Variants in COL25A1 observed in about 807,000 individuals in gnomAD.
The protein encoded by COL25A1 is collagen type XXV alpha 1 chain.
A neutral mutation model predicts 128.4 loss-of-function variants in COL25A1; 103 were observed. That is an observed-to-expected ratio of 0.80 (90% confidence interval 0.68 to 0.94). The LOEUF (loss-of-function observed/expected upper bound fraction) is 0.94. COL25A1 is among the 40% of genes least tolerant of loss of function. The pLI is 0.00. For missense variants in COL25A1, 745 were observed against 840.0 expected (o/e 0.89, Z 1.40); for synonymous variants, 279 against 277.2 (o/e 1.01, Z -0.06).
intron 5 of COL25A1, among the ~76,000 whole-genome samples, chr4:109,018,487 G>A (rs2126059781): frequency 6.6e-6 from 1 of 152,212 alleles, no homozygotes; most frequent in African/African-American, 2.4e-5. Flanking sequence ...GCCTCCCAAA[G>A]TGCTGGGATT....
chr4:109,062,151 G>A lies in COL25A1; in HGVS notation c.368-11972C>T, dbSNP rs527505391. On this transcript the variant is annotated intron_variant, in intron 3 of 37. Coordinates refer to ENST00000399132, the MANE Select transcript of COL25A1 (RefSeq NM_198721.4). ...AAGCTTCAAAGCATGCTGAAGTTTG[G>A]ACGAGTGTCAGAGGCCTAACTACAA... 2.7e-3 allele frequency among the ~76,000 whole-genome samples: 415 copies of A among 152,278 alleles called. 3 individuals are homozygous for A. Among genetic ancestry groups the A allele is most frequent in the African/African-American group, 9.3e-3 (385 of 41,552 alleles).
intron 3 of COL25A1, among the ~76,000 whole-genome samples, chr4:109,109,802 A>T (rs1394159659): frequency 6.6e-6 from 1 of 152,204 alleles, no homozygotes. Flanking sequence ...GAGCAGTTCC[A>T]GAACCAGTGT....
At chr4:108,868,846 T>C (rs1578600297) in intron 20 of COL25A1, among the ~76,000 whole-genome samples, 1 of 96,760 alleles carries the variant, frequency 1.0e-5, no homozygotes. Context: ...GGAAGGAAGA[T>C]AGGAAGGAAA....
intron 6 of COL25A1, among the ~76,000 whole-genome samples, chr4:108,992,953 G>T (rs939255784): frequency 6.6e-6 from 1 of 152,046 alleles, no homozygotes; most frequent in Non-Finnish European, 1.5e-5. Context: ...ACAACATGAT[G>T]TTCAGAAGTA....
chr4:108,887,319 A>G (rs1740951726), intron 18 of COL25A1, among the ~76,000 whole-genome samples: 1 of 152,152 alleles, frequency 6.6e-6, no homozygotes, highest in Non-Finnish European at 1.5e-5. Context: ...TCTGCAATGG[A>G]GAGGAAAATG....
chr4:109,299,187 G>A (rs1210082154), intron 3 of COL25A1, among the ~76,000 whole-genome samples: 6 of 152,116 alleles, frequency 3.9e-5, no homozygotes, highest in East Asian at 3.9e-4. Flanking sequence ...TGGACTCTAC[G>A]TGGTATGATC....
At chr4:108,901,815 T>C (rs2125866377) in intron 13 of COL25A1, among the ~76,000 whole-genome samples, 1 of 152,086 alleles carries the variant, frequency 6.6e-6, no homozygotes, top group African/African-American at 2.4e-5. Context: ...GCTAGAAAAA[T>C]TTCCTATTTC....
intron 3 of COL25A1, among the ~76,000 whole-genome samples, chr4:109,198,793 G>C (rs200843975): frequency 6.6e-6 from 1 of 152,070 alleles, no homozygotes; most frequent in South Asian, 2.1e-4. Flanking sequence ...CAAATGTCTG[G>C]GATGCTTTCC....
chr4:109,071,874 G>A (rs1055109807), intron 3 of COL25A1, among the ~76,000 whole-genome samples: 10 of 152,204 alleles, frequency 6.6e-5, no homozygotes, highest in African/African-American at 1.4e-4. Flanking sequence ...TTCAACCATC[G>A]TGGAAGACAG....
At chr4:108,967,762 A>G (rs1751481460) in intron 8 of COL25A1, among the ~76,000 whole-genome samples, 1 of 152,148 alleles carries the variant, frequency 6.6e-6, no homozygotes, top group African/African-American at 2.4e-5. Context: ...ATAGGCAATT[A>G]TAATTATTAT....
At chr4:109,169,159 C>T (rs144995822) in intron 3 of COL25A1, among the ~76,000 whole-genome samples, 1 of 152,320 alleles carries the variant, frequency 6.6e-6, no homozygotes, top group African/African-American at 2.4e-5. Flanking sequence ...TACTGTTCCA[C>T]TTCATTCACT....
At chr4:108,975,327 A>G (rs939985659) in intron 6 of COL25A1, among the ~76,000 whole-genome samples, 12 of 152,176 alleles carry the variant, frequency 7.9e-5, no homozygotes, top group Non-Finnish European at 1.6e-4. Context: ...GTGGTGGCGC[A>G]TGCCTGTGAT....
chr4:108,942,481 T>C (rs1425575305), intron 8 of COL25A1, among the ~76,000 whole-genome samples: 1 of 151,970 alleles, frequency 6.6e-6, no homozygotes. Flanking sequence ...TCTCACTCTG[T>C]TGCTCAGGCT....
chr4:109,021,356 G>T (rs552927307), intron 5 of COL25A1, among the ~76,000 whole-genome samples: 2 of 152,158 alleles, frequency 1.3e-5, no homozygotes, highest in Non-Finnish European at 2.9e-5. Context: ...TGGAGCAGCG[G>T]CAGAGGAACA....
At chr4:109,027,375 C>T (rs760388866) in intron 5 of COL25A1, among the ~76,000 whole-genome samples, 7 of 151,954 alleles carry the variant, frequency 4.6e-5, no homozygotes, top group African/African-American at 1.7e-4. Flanking sequence ...ACTGACAGTG[C>T]GTCTGGACTA....
At chr4:108,939,665 T>G (rs1161624840) in intron 10 of COL25A1, among the ~76,000 whole-genome samples, 1 of 152,184 alleles carries the variant, frequency 6.6e-6, no homozygotes, top group Non-Finnish European at 1.5e-5. Context: ...TCATTATTAT[T>G]ATGTACTACA....
chr4:109,189,608 G>A lies in COL25A1; in HGVS notation c.367+110975C>T, dbSNP rs112639623. ...ATATCAACAAGTGGGTTTCAAGAAC[G>A]TTTGTTGAAGTTTGTGCTCGTATCA... On this transcript the variant is annotated intron_variant, in intron 3 of 37. Transcript: ENST00000399132. Among the ~76,000 whole-genome samples the A allele has an allele frequency of 1.4e-3, 208 of 149,144 alleles. 1 individual carries two copies. Among genetic ancestry groups the A allele is most frequent in the African/African-American group, 5.0e-3 (202 of 40,372 alleles).
At chr4:108,994,402 GA>G (rs1419197210) in intron 6 of COL25A1, among the ~76,000 whole-genome samples, 1 of 152,214 alleles carries the variant, frequency 6.6e-6, no homozygotes, top group Non-Finnish European at 1.5e-5. Flanking sequence ...TTGATGGGGG[GA>G]GGGGCGTCCA....
At chr4:109,254,041 C>T (rs540324449) in intron 3 of COL25A1, among the ~76,000 whole-genome samples, 6 of 150,508 alleles carry the variant, frequency 4.0e-5, no homozygotes, top group South Asian at 2.1e-4. Context: ...GAGCCGAGAT[C>T]GCACCACTGC....
Sources: gnomAD v4.1 joint callset for allele counts (sites outside exome capture counted in the v4.1 genomes callset) on GRCh38, gnomAD v4.1.1 for gene constraint, MANE v1.5 for transcripts, NCBI Gene and HGNC (gene_info 2026-07-23, HGNC 2026-07-21) for gene names.